The following CCDC7 variants were observed in gnomAD, a reference collection of about 807,000 sequenced individuals.
CCDC7 encodes the protein coiled-coil domain containing 7, also known as coiled-coil domain-containing protein 7.
A neutral mutation model predicts 196.9 loss-of-function variants in CCDC7; 183 were observed. That is an observed-to-expected ratio of 0.93 (90% confidence interval 0.82 to 1.05). The LOEUF is 1.05. Among genes scored for constraint, CCDC7 ranks in the 50% least tolerant of loss-of-function variants. CCDC7 has a pLI of 0.00. For missense variants in CCDC7, 1,540 were observed against 1,482.2 expected, an observed-to-expected ratio of 1.04 and a Z score of -0.64; for synonymous variants, 525 against 484.6, an observed-to-expected ratio of 1.08 and a Z score of -1.10.
At chr10:32,597,056 A>G (rs12266574) in intron 18 of CCDC7, among the ~76,000 whole-genome samples, 15,972 of 152,086 alleles carry the variant, frequency 0.11, 1,037 homozygotes, top group South Asian at 0.25. Context: ...TATTTCCCGA[A>G]TTTGAATGTT....
At chr10:32,746,310 T>C (rs1240505446) in intron 28 of CCDC7, among the ~76,000 whole-genome samples, 2 of 152,190 alleles carry the variant, frequency 1.3e-5, no homozygotes, top group African/African-American at 2.4e-5. Context: ...AGTGGTCTTA[T>C]CTCACCATGC....
intron 13 of CCDC7, among the ~76,000 whole-genome samples, chr10:32,547,451 C>G (rs1311578046): frequency 3.3e-5 from 5 of 152,290 alleles, no homozygotes; most frequent in African/African-American, 1.2e-4. Flanking sequence ...CATCCCATCA[C>G]TTTGCCATAT....
intron 18 of CCDC7, among the ~76,000 whole-genome samples, chr10:32,616,942 G>A (rs2062842007): frequency 1.3e-5 from 2 of 151,096 alleles, no homozygotes; most frequent in African/African-American, 4.8e-5. Context: ...TAATGTTTAT[G>A]TGATGTATTT....
At chr10:32,684,133 C>T (rs1007602647) in intron 21 of CCDC7, among the ~76,000 whole-genome samples, 13 of 152,062 alleles carry the variant, frequency 8.5e-5, no homozygotes, top group South Asian at 2.1e-4. Context: ...GGACCTAGGC[C>T]GATTGGCTTT....
intron 13 of CCDC7, among the ~76,000 whole-genome samples, chr10:32,564,922 A>C (rs1257419831): frequency 6.6e-6 from 1 of 152,066 alleles, no homozygotes; most frequent in African/African-American, 2.4e-5. Flanking sequence ...GACTGCAGTG[A>C]GCTAGGAACC....
chr10:32,818,888 G>T (rs554627188), intron 31 of CCDC7, among the ~76,000 whole-genome samples: 1 of 151,842 alleles, frequency 6.6e-6, no homozygotes, highest in African/African-American at 2.4e-5. Flanking sequence ...ACACCCTAAC[G>T]TCACAATTAA....
At chr10:32,601,200 G>A (rs868058587) in intron 18 of CCDC7, among the ~76,000 whole-genome samples, 22 of 152,112 alleles carry the variant, frequency 1.4e-4, no homozygotes, top group African/African-American at 5.1e-4. Context: ...AGCCTCCTGA[G>A]TAGCTGGGAC....
exon 27 of CCDC7, chr10:32,728,993 C>T (rs371773173): frequency 3.2e-6 from 5 of 1,561,236 alleles, no homozygotes; most frequent in South Asian, 2.2e-5. Context: ...TGGAAAGACA[C>T]AAGAGTGAGT....
At chr10:32,805,096 C>A in exon 30 of CCDC7, 1 of 1,602,488 alleles carries the variant, frequency 6.2e-7, no homozygotes, top group Non-Finnish European at 8.5e-7. Flanking sequence ...AAGAGTTTCC[C>A]TGGTAAGAAA....
intron 28 of CCDC7, among the ~76,000 whole-genome samples, chr10:32,761,612 G>T (rs1280599108): frequency 6.6e-6 from 1 of 151,896 alleles, no homozygotes; most frequent in Non-Finnish European, 1.5e-5. Flanking sequence ...AAGAAACCCT[G>T]GTCTGCTATA....
At chr10:32,527,112 C>A (rs73251589) in intron 11 of CCDC7, among the ~76,000 whole-genome samples, 8,072 of 152,180 alleles carry the variant, frequency 0.053, 712 homozygotes, top group African/African-American at 0.18. Flanking sequence ...TCCCCTCTGG[C>A]AAGGGCTGGT....
intron 21 of CCDC7, among the ~76,000 whole-genome samples, chr10:32,669,621 G>A (rs186618387): frequency 6.8e-4 from 104 of 152,164 alleles, no homozygotes; most frequent in African/African-American, 2.2e-3. Flanking sequence ...GGTTGCATGT[G>A]TCTAGGAATT....
At chr10:32,576,821 A>G (rs530446041) in intron 16 of CCDC7, among the ~76,000 whole-genome samples, 94 of 152,100 alleles carry the variant, frequency 6.2e-4, no homozygotes, top group African/African-American at 2.0e-3. Context: ...AAAGACTTCT[A>G]TGTCTTTTGA....
intron 29 of CCDC7, among the ~76,000 whole-genome samples, chr10:32,803,403 T>C (rs1332869732): frequency 1.3e-5 from 2 of 152,208 alleles, no homozygotes; most frequent in East Asian, 3.8e-4. Context: ...TAATAATTCC[T>C]GTTTAGAACT....
At chr10:32,641,785 A>T (rs1409424100) in intron 20 of CCDC7, among the ~76,000 whole-genome samples, 1 of 152,034 alleles carries the variant, frequency 6.6e-6, no homozygotes, top group Non-Finnish European at 1.5e-5. Flanking sequence ...TCGTGGTTTT[A>T]TCTACCTTTG....
chr10:32,778,962 CTG>C lies in CCDC7; in HGVS notation c.2906-13_2906-12del, dbSNP rs2080585736. 5 of 1,530,696 alleles carry C rather than the reference CTG, an allele frequency of 3.3e-6. No individual in the cohort carries two copies. The highest frequency in any genetic ancestry group is 4.4e-6 in the Non-Finnish European group (5 of 1,130,508). The allele number at this position is 1,530,696 out of a possible 1,614,324, so 94.8% of individuals were successfully genotyped here. On this transcript the variant is annotated splice_polypyrimidine_tract_variant and intron_variant, in intron 28 of 41. Coordinates refer to ENST00000639629, the Ensembl canonical transcript of CCDC7. Reference sequence around the variant, plus strand: ...TTTTTAAATCAACTACTTTGACAATCTGTTATTCTTACAGTTAAAAATGAAGC... The same window carrying C: ...TTTTTAAATCAACTACTTTGACAATCTTATTCTTACAGTTAAAAATGAAGC...
chr10:32,797,202 T>TAC (rs1162506242), intron 29 of CCDC7, among the ~76,000 whole-genome samples: 23 of 146,040 alleles, frequency 1.6e-4, no homozygotes, highest in African/African-American at 6.0e-4. Flanking sequence ...CGTATATATA[T>TAC]ACACACATAT....
chr10:32,480,563 C>G (rs2039782947), intron 8 of CCDC7, among the ~76,000 whole-genome samples: 1 of 152,012 alleles, frequency 6.6e-6, no homozygotes, highest in Non-Finnish European at 1.5e-5. Context: ...TGGTATGTTT[C>G]CATTTTTGTG....
chr10:32,632,657 A>G (rs2065038304), intron 18 of CCDC7, among the ~76,000 whole-genome samples: 2 of 151,892 alleles, frequency 1.3e-5, no homozygotes, highest in Non-Finnish European at 2.9e-5. Context: ...CTTCACCTCA[A>G]CCTATTTTCT....
Sources: gnomAD v4.1 joint callset for allele counts (sites outside exome capture counted in the v4.1 genomes callset) on GRCh38, gnomAD v4.1.1 for gene constraint, MANE v1.5 for transcripts, NCBI Gene and HGNC (gene_info 2026-07-23, HGNC 2026-07-21) for gene names.